OOSP3: variants seen among roughly 807,000 people sequenced by gnomAD.
The protein encoded by OOSP3 is oocyte secreted protein family member 3.
chr11:59,883,016 G>A (rs1161362925), intron 2 of OOSP3, among the ~76,000 whole-genome samples: 2 of 152,056 alleles, frequency 1.3e-5, no homozygotes, highest in East Asian at 1.9e-4. Context: ...GTACCTTTGT[G>A]TACATGTTTA....
intron 2 of OOSP3, among the ~76,000 whole-genome samples, chr11:59,882,686 G>T (rs997666533): frequency 1.1e-4 from 17 of 152,156 alleles, no homozygotes. Context: ...CAATACAGTG[G>T]TTTTTAGTAC....
chr11:59,884,539 G>C (rs1853235468), intron 2 of OOSP3, among the ~76,000 whole-genome samples: 1 of 146,562 alleles, frequency 6.8e-6, no homozygotes, highest in African/African-American at 2.5e-5. Flanking sequence ...TTAATCTGTT[G>C]CCCAGGCTGG....
chr11:59,896,443 G>A (rs962523266), exon 5 of OOSP3: 2 of 322,186 alleles, frequency 6.2e-6, no homozygotes, highest in East Asian at 9.5e-5. Flanking sequence ...ATTTGTATGT[G>A]GAGTTGATCT....
At chr11:59,895,774 A>G (rs568211939) in intron 4 of OOSP3, 122 bp downstream of exon 4, 1 of 396,848 alleles carries the variant, frequency 2.5e-6, no homozygotes, top group African/African-American at 2.1e-5. Context: ...ATAGTGTTTA[A>G]CTACATGATG....
At chr11:59,885,126 A>G (rs1270466018) in intron 2 of OOSP3, among the ~76,000 whole-genome samples, 1 of 152,110 alleles carries the variant, frequency 6.6e-6, no homozygotes, top group East Asian at 1.9e-4. Context: ...TATTGAGATG[A>G]TCATATGGGT....
chr11:59,884,438 A>G (rs114468087), intron 2 of OOSP3, among the ~76,000 whole-genome samples: 2,222 of 146,038 alleles, frequency 0.015, 72 homozygotes, highest in African/African-American at 0.054. Flanking sequence ...TATATACAAG[A>G]TCATGTCTGT....
intron 2 of OOSP3, among the ~76,000 whole-genome samples, chr11:59,883,992 G>A (rs573305814): frequency 2.6e-5 from 4 of 152,128 alleles, no homozygotes. Flanking sequence ...TTTCTAGAAA[G>A]GTTAGGAAAA....
chr11:59,893,748 G>T (rs571800377), intron 2 of OOSP3, among the ~76,000 whole-genome samples: 1 of 152,116 alleles, frequency 6.6e-6, no homozygotes, highest in Non-Finnish European at 1.5e-5. Flanking sequence ...CTGGGATACA[G>T]CACTGTGATA....
intron 2 of OOSP3, among the ~76,000 whole-genome samples, chr11:59,886,565 A>G (rs529653345): frequency 6.6e-6 from 1 of 152,294 alleles, no homozygotes; most frequent in East Asian, 1.9e-4. Flanking sequence ...GGTGGAACTA[A>G]TTTACATTCC....
intron 2 of OOSP3, among the ~76,000 whole-genome samples, chr11:59,887,750 T>C (rs1853276380): frequency 1.3e-5 from 2 of 152,226 alleles, no homozygotes; most frequent in South Asian, 4.1e-4. Context: ...AGCTTTGTTC[T>C]TTTTGTTTAG....
rs554885801 is a variant in OOSP3, at chr11:59,889,227, A to ATT, written c.253-4841_253-4840dup. On this transcript the variant is annotated intron_variant, in intron 2 of 4. Coordinates refer to ENST00000646438, the Ensembl canonical transcript of OOSP3. ...AGCTAGTGGTCTACCTATTTTGTTGATTTTTTTTTTTTCCAAAAAAGCAGC... is the reference window on the plus strand; with the variant it reads ...AGCTAGTGGTCTACCTATTTTGTTGATTTTTTTTTTTTTTCCAAAAAAGCAGC... 9.3e-3 allele frequency among the ~76,000 whole-genome samples: 1,241 copies of ATT among 134,140 alleles called. 12 individuals are homozygous for ATT. Among genetic ancestry groups the ATT allele is most frequent in the African/African-American group, 0.032 (1,167 of 37,014 alleles). The allele number at this position is 134,140 out of a possible 152,430, so 88.0% of individuals were successfully genotyped here. A position where few individuals can be genotyped will look rare whatever the true frequency, so the allele number is the denominator to read the frequency against.
intron 2 of OOSP3, among the ~76,000 whole-genome samples, chr11:59,891,856 C>T (rs149023866): frequency 2.4e-4 from 37 of 152,316 alleles, no homozygotes; most frequent in Middle Eastern, 3.4e-3. Context: ...TGGCCCCTCC[C>T]CCCAGGAACT....
At chr11:59,880,112 T>C in intron 1 of OOSP3, 149 bp from the exon 2 acceptor site, 1 of 392,972 alleles carries the variant, frequency 2.5e-6, no homozygotes, top group Non-Finnish European at 4.5e-6. Flanking sequence ...AATTTTACCA[T>C]TTCATCTGAG....
chr11:59,888,450 C>T (rs1853282103), intron 2 of OOSP3, among the ~76,000 whole-genome samples: 1 of 152,064 alleles, frequency 6.6e-6, no homozygotes, highest in Non-Finnish European at 1.5e-5. Flanking sequence ...ATAAATGGCT[C>T]TTATGGTTTT....
chr11:59,885,143 C>G (rs192978350), intron 2 of OOSP3, among the ~76,000 whole-genome samples: 1 of 151,932 alleles, frequency 6.6e-6, no homozygotes, highest in Non-Finnish European at 1.5e-5. Context: ...GGGTTTTGCC[C>G]TTTCTTCTAT....
intron 2 of OOSP3, among the ~76,000 whole-genome samples, chr11:59,882,996 T>A (rs1188681581): frequency 6.6e-6 from 1 of 152,252 alleles, no homozygotes; most frequent in Non-Finnish European, 1.5e-5. Flanking sequence ...TTTCATTTTT[T>A]GTTACTGCTG....
chr11:59,890,365 A>G (rs1016903344), intron 2 of OOSP3, among the ~76,000 whole-genome samples: 20 of 152,140 alleles, frequency 1.3e-4, no homozygotes, highest in Admixed American at 1.0e-3. Flanking sequence ...TAGTTGCTTC[A>G]TAGTGTCATT....
intron 2 of OOSP3, 28 bp from the exon 3 acceptor site, chr11:59,894,051 A>G (rs1853335071): frequency 7.5e-6 from 3 of 398,444 alleles, no homozygotes; most frequent in Non-Finnish European, 1.3e-5. Context: ...ACATGACATC[A>G]ACTTATAAAG....
Position 59,892,353 on chromosome 11 carries a change from C to T in OOSP3, c.253-1726C>T, listed in dbSNP as rs573962759. Among the ~76,000 whole-genome samples the T allele has an allele frequency of 3.2e-4, 49 of 152,126 alleles. 1 individual carries two copies. The South Asian group carries it at 9.4e-3, about 29-fold the overall frequency. Reference sequence around the variant, plus strand: ...CTTGCTCTCTGTGGATTGTACCAACCGCCTAGTCAGTCCCAATAAGAGAAT... The same window carrying T: ...CTTGCTCTCTGTGGATTGTACCAACTGCCTAGTCAGTCCCAATAAGAGAAT... On this transcript the variant is annotated intron_variant, in intron 2 of 4. Coordinates refer to ENST00000646438, the Ensembl canonical transcript of OOSP3.
Sources: allele counts gnomAD v4.1 joint callset (sites outside exome capture counted in the v4.1 genomes callset), GRCh38; gene constraint gnomAD v4.1.1; transcripts MANE v1.5; gene names NCBI Gene and HGNC (gene_info 2026-07-23, HGNC 2026-07-21).